Variants in APP observed in about 807,000 individuals in gnomAD.
The protein encoded by APP is amyloid-beta precursor protein.
APP carries 31 observed loss-of-function variants against 101.4 expected under a neutral mutation model. The observed-to-expected ratio is 0.31, with a 90% CI of 0.23 to 0.41. APP has a LOEUF of 0.41. Among genes scored for constraint, APP ranks in the 10% least tolerant of loss-of-function variants. The pLI is 1.00. For synonymous variants in APP, 366 were observed against 364.4 expected (o/e 1.00, Z -0.05); for missense variants, 839 against 1,003.7 (o/e 0.84, Z 2.22).
chr21:26,010,880 A>G (rs1010084154), intron 6 of APP, among the ~76,000 whole-genome samples: 4 of 149,734 alleles, frequency 2.7e-5, no homozygotes, highest in Non-Finnish European at 4.5e-5. Context: ...CACAAAACTT[A>G]GCTGGTCTTG....
At chr21:26,153,333 AGT>A (rs2063315821) in intron 1 of APP, among the ~76,000 whole-genome samples, 1 of 152,108 alleles carries the variant, frequency 6.6e-6, no homozygotes, top group African/African-American at 2.4e-5. Context: ...CCTAAACTTC[AGT>A]TCCTATTGTT....
intron 2 of APP, among the ~76,000 whole-genome samples, chr21:26,100,639 G>A (rs182845035): frequency 3.1e-4 from 47 of 152,288 alleles, no homozygotes; most frequent in African/African-American, 1.1e-3. Context: ...ATGTATTTTA[G>A]AGGAGAAAGT....
At chr21:25,930,634 T>C (rs2040105858) in intron 13 of APP, among the ~76,000 whole-genome samples, 1 of 152,152 alleles carries the variant, frequency 6.6e-6, no homozygotes, top group South Asian at 2.1e-4. Context: ...TGGGTCCTTT[T>C]CCCACAGACA....
chr21:25,961,532 C>CAAAT (rs146625591), intron 11 of APP, among the ~76,000 whole-genome samples: 4,342 of 152,214 alleles, frequency 0.029, 210 homozygotes, highest in African/African-American at 0.098. Flanking sequence ...ATATTTCACT[C>CAAAT]AAATAAATAA....
intron 1 of APP, among the ~76,000 whole-genome samples, chr21:26,162,106 C>T (rs1466321612): frequency 6.6e-6 from 1 of 152,152 alleles, no homozygotes; most frequent in Non-Finnish European, 1.5e-5. Context: ...GCAGGAGGAT[C>T]GCTTGAGCCC....
At chr21:26,152,284 C>CA (rs1161739630) in intron 1 of APP, among the ~76,000 whole-genome samples, 627 of 35,816 alleles carry the variant, frequency 0.018, 50 homozygotes, top group East Asian at 0.057. Context: ...GACTCCATCT[C>CA]AAAAAAAAAA....
At chr21:26,150,365 T>C (rs1472431570) in intron 1 of APP, among the ~76,000 whole-genome samples, 1 of 152,166 alleles carries the variant, frequency 6.6e-6, no homozygotes, top group Non-Finnish European at 1.5e-5. Flanking sequence ...GGAAGGAGGA[T>C]ACCTTCACAC....
intron 14 of APP, among the ~76,000 whole-genome samples, chr21:25,909,020 T>C (rs112678997): frequency 6.6e-6 from 1 of 152,026 alleles, no homozygotes; most frequent in Non-Finnish European, 1.5e-5. Flanking sequence ...TCCCAGCACT[T>C]TGGGAGGCTG....
At chr21:25,951,418 G>C (rs924625913) in intron 13 of APP, among the ~76,000 whole-genome samples, 3 of 152,116 alleles carry the variant, frequency 2.0e-5, no homozygotes, top group Non-Finnish European at 4.4e-5. Context: ...TTAAACCATT[G>C]TATCTCTCTA....
intron 13 of APP, among the ~76,000 whole-genome samples, chr21:25,953,140 C>A (rs912905316): frequency 3.3e-5 from 5 of 152,124 alleles, no homozygotes; most frequent in Non-Finnish European, 7.4e-5. Context: ...ACCATGTTGG[C>A]CAGGCTGGTT....
chr21:26,060,213 T>C (rs1436221173), intron 3 of APP, among the ~76,000 whole-genome samples: 3 of 152,198 alleles, frequency 2.0e-5, no homozygotes, highest in Non-Finnish European at 4.4e-5. Context: ...TATATGTTCA[T>C]TGCACCATCA....
At position 26,157,693 on chromosome 21, in the gene APP, C is replaced by T. The variant is rs1018395159; in HGVS notation, c.57+12871G>A. ...TTTAATCACTTTTAGAATAATTGAACAAGAAAATAGGTAAGGAATTAAAAT... is the reference window on the plus strand; with the variant it reads ...TTTAATCACTTTTAGAATAATTGAATAAGAAAATAGGTAAGGAATTAAAAT... On this transcript the variant is annotated intron_variant, in intron 1 of 17. Coordinates refer to ENST00000346798, the MANE Select transcript of APP (RefSeq NM_000484.4). Among the ~76,000 whole-genome samples, 12 of 152,082 alleles carry T rather than the reference C, an allele frequency of 7.9e-5. 1 individual carries two copies. Among genetic ancestry groups the T allele is most frequent in the Admixed American group, 6.6e-4 (10 of 15,260 alleles).
intron 5 of APP, among the ~76,000 whole-genome samples, chr21:26,037,743 A>G (rs1255859757): frequency 6.6e-6 from 1 of 152,138 alleles, no homozygotes; most frequent in Non-Finnish European, 1.5e-5. Flanking sequence ...CTTCATTACC[A>G]CTTCTGATAT....
At chr21:25,928,346 C>CAAAAA in intron 13 of APP, among the ~76,000 whole-genome samples, 1 of 150,454 alleles carries the variant, frequency 6.6e-6, no homozygotes. Context: ...CATCTCAAAA[C>CAAAAA]AAACAAACAA....
chr21:26,008,729 G>T (rs980338471), intron 6 of APP, among the ~76,000 whole-genome samples: 1 of 152,192 alleles, frequency 6.6e-6, no homozygotes, highest in Non-Finnish European at 1.5e-5. Flanking sequence ...TAGGGAGACT[G>T]TAAGAGTTTT....
At chr21:26,000,243 T>A in intron 6 of APP, 61 bp from the exon 7 acceptor site, 3 of 1,597,168 alleles carry the variant, frequency 1.9e-6, no homozygotes, top group Non-Finnish European at 2.6e-6. Flanking sequence ...TCTCTGTTCA[T>A]GTATACACGT....
chr21:26,133,157 G>A (rs1257389803), intron 1 of APP, among the ~76,000 whole-genome samples: 2 of 152,152 alleles, frequency 1.3e-5, no homozygotes, highest in Non-Finnish European at 2.9e-5. Context: ...AGGATCGCTT[G>A]AGCCCAGCAG....
chr21:25,907,336 G>GC (rs2038846015), intron 14 of APP, among the ~76,000 whole-genome samples: 1 of 152,034 alleles, frequency 6.6e-6, no homozygotes, highest in African/African-American at 2.4e-5. Context: ...GACATTAAAA[G>GC]TTTTTTAAAA....
At chr21:25,975,402 T>G (rs563917445) in intron 10 of APP, among the ~76,000 whole-genome samples, 174 bp from the exon 11 acceptor site, 1 of 152,306 alleles carries the variant, frequency 6.6e-6, no homozygotes, top group South Asian at 2.1e-4. Context: ...CTTACTTCAC[T>G]TTCTTGCACT....
Sources: allele counts gnomAD v4.1 joint callset (sites outside exome capture counted in the v4.1 genomes callset), GRCh38; gene constraint gnomAD v4.1.1; transcripts MANE v1.5; gene names NCBI Gene and HGNC (gene_info 2026-07-23, HGNC 2026-07-21).